NHSL1: variants seen among roughly 807,000 people sequenced by gnomAD.
NHSL1 encodes the protein NHS-like protein 1.
NHSL1 carries 48 observed loss-of-function variants against 95.0 expected under a neutral mutation model. That is an observed-to-expected ratio of 0.51 (90% CI 0.40 to 0.64). NHSL1 has a LOEUF of 0.64. Ranked by LOEUF, NHSL1 falls within the 30% of genes least tolerant of loss-of-function variation. NHSL1 has a pLI of 0.00. For missense variants in NHSL1, 1,971 were observed against 2,077.7 expected, an observed-to-expected ratio of 0.95 and a Z score of 1.00; for synonymous variants, 783 against 833.9, an observed-to-expected ratio of 0.94 and a Z score of 1.05.
chr6:138,588,659 T>C (rs994863251), intron 1 of NHSL1, among the ~76,000 whole-genome samples: 1 of 152,230 alleles, frequency 6.6e-6, no homozygotes, highest in Non-Finnish European at 1.5e-5. Flanking sequence ...AAAACATTCC[T>C]TCTGAGATTA....
At chr6:138,678,903 T>G (rs1174915246) in intron 1 of NHSL1, among the ~76,000 whole-genome samples, 1 of 152,234 alleles carries the variant, frequency 6.6e-6, no homozygotes, top group Non-Finnish European at 1.5e-5. Flanking sequence ...GTGTTTAGAT[T>G]ATGTGAAAAG....
rs1249368048 is a variant in NHSL1, at chr6:138,670,986, CA to C, written c.96+21489del. The stretch of plus-strand genomic sequence containing the variant: ...CAACACAGTGAGACTCCTACCTCTA[CA>C]AAAAGTGTTTTAAAACTTAGCCAGG... On this transcript the variant is annotated intron_variant, in intron 1 of 3. Transcript: ENST00000491526. 2.0e-5 allele frequency among the ~76,000 whole-genome samples: 3 copies of C among 152,030 alleles called. No individual in the cohort carries two copies. In the East Asian group the frequency reaches 5.9e-4, roughly 30 times the overall value.
chr6:138,686,365 G>A (rs796719787), intron 1 of NHSL1, among the ~76,000 whole-genome samples: 6 of 151,998 alleles, frequency 3.9e-5, no homozygotes, highest in African/African-American at 1.4e-4. Flanking sequence ...TATTAAAAAT[G>A]TAAAAATTAG....
At chr6:138,478,803 G>C (rs1252652938) in intron 2 of NHSL1, among the ~76,000 whole-genome samples, 1 of 152,166 alleles carries the variant, frequency 6.6e-6, no homozygotes, top group Non-Finnish European at 1.5e-5. Context: ...ATCACTGTTG[G>C]TTGTGTCCTC....
chr6:138,660,947 C>A (rs1425827247), intron 1 of NHSL1, among the ~76,000 whole-genome samples: 1 of 152,146 alleles, frequency 6.6e-6, no homozygotes, highest in African/African-American at 2.4e-5. Context: ...CAAAAATTAG[C>A]TGGGCGTGGT....
intron 2 of NHSL1, among the ~76,000 whole-genome samples, chr6:138,492,656 T>C (rs2128281514): frequency 6.6e-6 from 1 of 152,342 alleles, no homozygotes; most frequent in African/African-American, 2.4e-5. Context: ...ATGTTTACAT[T>C]TCATTATGCA....
At chr6:138,678,409 T>C (rs1243953736) in intron 1 of NHSL1, among the ~76,000 whole-genome samples, 1 of 152,190 alleles carries the variant, frequency 6.6e-6, no homozygotes, top group East Asian at 1.9e-4. Context: ...AGATTCATAA[T>C]AGCATTGTCA....
chr6:138,629,938 C>T (rs982587989), intron 1 of NHSL1, among the ~76,000 whole-genome samples: 7 of 152,300 alleles, frequency 4.6e-5, no homozygotes, highest in Admixed American at 1.3e-4. Flanking sequence ...ACAATTACTT[C>T]CCCCAAAGTA....
intron 2 of NHSL1, among the ~76,000 whole-genome samples, chr6:138,487,979 T>C (rs945189278): frequency 6.6e-6 from 1 of 152,232 alleles, no homozygotes; most frequent in Admixed American, 6.5e-5. Context: ...CGAAAGTTTC[T>C]TGCTTGAATC....
chr6:138,657,796 C>T (rs1310236663), intron 1 of NHSL1, among the ~76,000 whole-genome samples: 1 of 109,112 alleles, frequency 9.2e-6, no homozygotes, highest in Non-Finnish European at 1.7e-5. Context: ...GCCTGGGCGA[C>T]AGAGCGAGAC....
At chr6:138,603,476 A>G (rs1784396205) in intron 1 of NHSL1, among the ~76,000 whole-genome samples, 2 of 152,180 alleles carry the variant, frequency 1.3e-5, no homozygotes, top group Non-Finnish European at 2.9e-5. Context: ...ACCTGTAAAT[A>G]GTGTTTTGAA....
Position 138,612,498 on chromosome 6 carries a change from CA to C in NHSL1, c.96+79977del, listed in dbSNP as rs200216869. ...TAAAAGCTGAAAGTTGTATAATGCA[CA>C]GCATAATACCATATACAGTTTTAAA... On this transcript the variant is annotated intron_variant, in intron 1 of 3. Transcript: ENST00000491526. 1.9e-3 allele frequency among the ~76,000 whole-genome samples: 285 copies of C among 152,150 alleles called. 3 individuals carry two copies. Among genetic ancestry groups the C allele is most frequent in the East Asian group, 0.014 (72 of 5,184 alleles).
intron 1 of NHSL1, among the ~76,000 whole-genome samples, chr6:138,531,740 C>T (rs1782143941): frequency 6.6e-6 from 1 of 152,134 alleles, no homozygotes; most frequent in Non-Finnish European, 1.5e-5. Context: ...TCTTCAATTC[C>T]TGACCTCAAG....
intron 1 of NHSL1, among the ~76,000 whole-genome samples, chr6:138,645,670 G>A (rs1473344893): frequency 6.6e-6 from 1 of 151,994 alleles, no homozygotes; most frequent in South Asian, 2.1e-4. Flanking sequence ...ACCATGCCCA[G>A]CTAATTTTTG....
At chr6:138,672,113 G>T (rs185761259) in intron 1 of NHSL1, among the ~76,000 whole-genome samples, 1 of 152,288 alleles carries the variant, frequency 6.6e-6, no homozygotes, top group East Asian at 1.9e-4. Context: ...GACTACCCAT[G>T]ACCATTCACA....
At chr6:138,509,926 T>TTATAACC in intron 1 of NHSL1, among the ~76,000 whole-genome samples, 1 of 152,172 alleles carries the variant, frequency 6.6e-6, no homozygotes, top group East Asian at 1.9e-4. Flanking sequence ...TTACATCAAT[T>TTATAACC]TATAACCAAA....
At chr6:138,465,539 G>T (rs1778303657) in intron 3 of NHSL1, among the ~76,000 whole-genome samples, 1 of 152,078 alleles carries the variant, frequency 6.6e-6, no homozygotes, top group Non-Finnish European at 1.5e-5. Context: ...CAAGTCAGAA[G>T]AATTTCTTTT....
At chr6:138,622,845 A>G (rs540712432) in intron 1 of NHSL1, among the ~76,000 whole-genome samples, 7 of 152,342 alleles carry the variant, frequency 4.6e-5, no homozygotes, top group African/African-American at 1.4e-4. Flanking sequence ...CAAGGGGTTC[A>G]CATTTTAGTG....
chr6:138,437,425 C>CATAT (rs1275806201), intron 5 of NHSL1, among the ~76,000 whole-genome samples: 12 of 35,468 alleles, frequency 3.4e-4, no homozygotes, highest in African/African-American at 1.5e-3. Context: ...CACACACACA[C>CATAT]ACACACACAC....
Sources: gnomAD v4.1 joint callset for allele counts (sites outside exome capture counted in the v4.1 genomes callset) on GRCh38, gnomAD v4.1.1 for gene constraint, MANE v1.5 for transcripts, NCBI Gene and HGNC (gene_info 2026-07-23, HGNC 2026-07-21) for gene names.